CEACAM20: variants seen among roughly 807,000 people sequenced by gnomAD.
CEACAM20 encodes CEA cell adhesion molecule 20.
A neutral mutation model predicts 61.2 loss-of-function variants in CEACAM20; 50 were observed. The observed-to-expected ratio is 0.82, with a 90% CI of 0.65 to 1.03. The LOEUF is 1.03. Among genes scored for constraint, CEACAM20 ranks in the 50% least tolerant of loss-of-function variants. The pLI is 0.00. For missense variants in CEACAM20, 683 were observed against 736.4 expected (o/e 0.93, Z 0.84); for synonymous variants, 282 against 287.7 (o/e 0.98, Z 0.20).
intron 10 of CEACAM20, 70 bp from the exon 11 acceptor site, chr19:44,511,225 C>T (rs1326696050): frequency 1.3e-6 from 2 of 1,571,096 alleles, no homozygotes; most frequent in Non-Finnish European, 1.7e-6. Context: ...AACTTACACT[C>T]TTCAGGGACC....
rs1472561191 is a variant in CEACAM20, at chr19:44,529,466, AGGATTCCCATCCAGT to A, written c.29_43del (p.His10_Ile14del). The A allele has an allele frequency of 1.2e-6, 2 of 1,613,428 alleles. No homozygotes were observed. Among genetic ancestry groups the A allele is most frequent in the African/African-American group, 2.7e-5 (2 of 74,752 alleles). On this transcript the variant is annotated inframe_deletion, in exon 1 of 12. Transcript: ENST00000614924. ...GGAAGCAGGGCACTCACCTGAAAGC[AGGATTCCCATCCAGT>A]GGTGTCCCCATGAGTCAGCAGGCCC...
intron 1 of CEACAM20, among the ~76,000 whole-genome samples, chr19:44,528,956 CTTTTTTT>C (rs71171255): frequency 1.1e-5 from 1 of 92,644 alleles, no homozygotes; most frequent in African/African-American, 4.5e-5. Flanking sequence ...CTCTTTCTTT[CTTTTTTT>C]TTTTTTTTTT....
intron 8 of CEACAM20, 55 bp downstream of exon 8, chr19:44,512,813 C>T: frequency 3.4e-6 from 5 of 1,474,638 alleles, no homozygotes; most frequent in Non-Finnish European, 4.7e-6. Context: ...CAGCACCAGC[C>T]TCTTCCCCAG....
intron 6 of CEACAM20, among the ~76,000 whole-genome samples, chr19:44,516,211 T>C (rs1016117097): frequency 2.6e-5 from 4 of 152,212 alleles, no homozygotes; most frequent in African/African-American, 9.6e-5. Flanking sequence ...CTGCCAGTCA[T>C]GTCCAGTTGT....
chr19:44,522,127 CAG>C (rs986814699), intron 4 of CEACAM20, among the ~76,000 whole-genome samples: 48 of 151,082 alleles, frequency 3.2e-4, no homozygotes, highest in African/African-American at 1.0e-3. Flanking sequence ...TTTTTTTAGA[CAG>C]AGTCTTGCTC....
intron 11 of CEACAM20, among the ~76,000 whole-genome samples, chr19:44,508,251 C>T (rs1970875016): frequency 6.6e-6 from 1 of 152,176 alleles, no homozygotes; most frequent in South Asian, 2.1e-4. Flanking sequence ...ATCTGGCTGT[C>T]CTGATGACAG....
chr19:44,517,247 T>G (rs756837559), intron 5 of CEACAM20, 23 bp from the exon 6 acceptor site: 2 of 1,596,670 alleles, frequency 1.3e-6, no homozygotes, highest in African/African-American at 1.3e-5. Context: ...CCAAACGTGA[T>G]GCACCCTGGC....
At chr19:44,513,024 C>A in intron 7 of CEACAM20, 71 bp from the exon 8 acceptor site, 2 of 1,392,396 alleles carry the variant, frequency 1.4e-6, no homozygotes, top group South Asian at 1.3e-5. Flanking sequence ...TGCCCATATC[C>A]CATGTCCATT....
intron 7 of CEACAM20, 68 bp from the exon 8 acceptor site, chr19:44,513,021 A>G: frequency 1.4e-6 from 2 of 1,399,980 alleles, no homozygotes; most frequent in Non-Finnish European, 2.0e-6. Context: ...TTCTGCCCAT[A>G]TCCCATGTCC....
At chr19:44,514,447 T>G (rs146923115) in intron 6 of CEACAM20, among the ~76,000 whole-genome samples, 150 of 145,946 alleles carry the variant, frequency 1.0e-3, no homozygotes, top group African/African-American at 3.6e-3. Flanking sequence ...CATTTCTGCA[T>G]CTCCACTTTT....
chr19:44,527,786 G>A (rs1424854157), intron 1 of CEACAM20, among the ~76,000 whole-genome samples: 1 of 152,232 alleles, frequency 6.6e-6, no homozygotes, highest in Non-Finnish European at 1.5e-5. Context: ...CACACAGCAA[G>A]GCTGGGCTGA....
chr19:44,511,618 C>G lies in CEACAM20; in HGVS notation c.1611+19G>C. Reference sequence around the variant, plus strand: ...TTCCTTCATAGATTCTTTAACCAAACCCAGCAGGGCCAATGTACCTCATAG... The same window carrying G: ...TTCCTTCATAGATTCTTTAACCAAAGCCAGCAGGGCCAATGTACCTCATAG... On this transcript the variant is annotated intron_variant, in intron 10 of 11. Transcript: ENST00000614924. 1.2e-6 allele frequency: 2 copies of G among 1,610,508 alleles called. No homozygotes were observed. The highest frequency in any genetic ancestry group is 1.7e-6 in the Non-Finnish European group (2 of 1,178,254).
Position 44,525,260 on chromosome 19 carries a change from G to C in CEACAM20, c.53-16C>G. 6.4e-7 allele frequency: 1 copy of C among 1,561,466 alleles called. No homozygotes were observed. Among genetic ancestry groups the C allele is most frequent in the Non-Finnish European group, 8.6e-7 (1 of 1,156,642 alleles). On this transcript the variant is annotated splice_polypyrimidine_tract_variant and intron_variant, in intron 1 of 11. Coordinates refer to ENST00000614924, the MANE Select transcript of CEACAM20 (RefSeq NM_001102597.3). ...CAAAGCGAGGCTACAAGGGGAGAGA[G>C]GAGGCATTCAGGGAGGGAGAGGTGT...
chr19:44,509,017 T>G (rs772929884), intron 11 of CEACAM20, among the ~76,000 whole-genome samples: 2 of 151,716 alleles, frequency 1.3e-5, no homozygotes, highest in Non-Finnish European at 2.9e-5. Context: ...GGAAAGGAAA[T>G]GAATGAAAAG....
chr19:44,528,557 C>T (rs983742326), intron 1 of CEACAM20, among the ~76,000 whole-genome samples: 1 of 151,992 alleles, frequency 6.6e-6, no homozygotes, highest in Admixed American at 6.6e-5. Flanking sequence ...TATTTTTTCA[C>T]CCTTTGTCTC....
rs144922849 is a variant in CEACAM20 at position 44,518,980 on chromosome 19, C to T, written c.1030+1494G>A. 2.7e-3 allele frequency among the ~76,000 whole-genome samples: 416 copies of T among 152,296 alleles called. 2 individuals are homozygous for T. The highest frequency in any genetic ancestry group is 9.6e-3 in the African/African-American group (397 of 41,552). ...CCCCCTCCAGCCCCACCTTTCCACA[C>T]CTCTTGCTCTCATTCAGGAATTAAA... On this transcript the variant is annotated intron_variant, in intron 5 of 11. Transcript: ENST00000614924.
intron 9 of CEACAM20, 118 bp from the exon 10 acceptor site, chr19:44,511,790 G>A: frequency 9.2e-7 from 1 of 1,083,520 alleles, no homozygotes; most frequent in Non-Finnish European, 1.4e-6. Context: ...TTCCCAGAGG[G>A]CTCAAAGCTA....
chr19:44,517,676 G>A (rs1481685401), intron 5 of CEACAM20, among the ~76,000 whole-genome samples: 5 of 140,726 alleles, frequency 3.6e-5, no homozygotes, highest in Non-Finnish European at 6.1e-5. Flanking sequence ...CAGCCTGGGC[G>A]ACAGAGCAAG....
intron 1 of CEACAM20, among the ~76,000 whole-genome samples, chr19:44,525,484 C>T (rs1971503051): frequency 6.6e-6 from 1 of 152,062 alleles, no homozygotes; most frequent in African/African-American, 2.4e-5. Flanking sequence ...GCTCTGTCAC[C>T]CAGGCTGGCA....
Sources: gnomAD v4.1 joint callset for allele counts (sites outside exome capture counted in the v4.1 genomes callset) on GRCh38, gnomAD v4.1.1 for gene constraint, MANE v1.5 for transcripts, NCBI Gene and HGNC (gene_info 2026-07-23, HGNC 2026-07-21) for gene names.